KIRREL3: variants seen among roughly 807,000 people sequenced by gnomAD.
KIRREL3 encodes kirre like nephrin family adhesion molecule 3, also known as kin of IRRE-like protein 3.
KIRREL3 carries 36 observed loss-of-function variants against 89.7 expected under a neutral mutation model. That is an observed-to-expected ratio of 0.40 (90% CI 0.31 to 0.53). The LOEUF is 0.53. Among genes scored for constraint, KIRREL3 ranks in the 20% least tolerant of loss-of-function variants. The pLI is 0.49. For synonymous variants in KIRREL3, 445 were observed against 441.4 expected (o/e 1.01, Z -0.10); for missense variants, 864 against 1,056.6 (o/e 0.82, Z 2.53).
At chr11:126,753,842 G>A (rs1419891584) in intron 1 of KIRREL3, among the ~76,000 whole-genome samples, 2 of 152,128 alleles carry the variant, frequency 1.3e-5, no homozygotes, top group Admixed American at 1.3e-4. Context: ...TTCATTACAT[G>A]CTTAGAGATG....
chr11:126,945,460 TG>T (rs1948595654), intron 1 of KIRREL3, among the ~76,000 whole-genome samples: 1 of 152,164 alleles, frequency 6.6e-6, no homozygotes, highest in South Asian at 2.1e-4. Flanking sequence ...CGCAGGTCAC[TG>T]GAAGAATGTG....
In KIRREL3 at chr11:126,870,255, C is replaced by A. The variant is rs181546938; in HGVS notation, c.55+130200G>T. ...ATTCTGCCAGGGACCACACTGAACA[C>A]CCTCCTCAAGATGCCAGGGCTGCCT... On this transcript the variant is annotated intron_variant, in intron 1 of 16. Transcript: ENST00000525144. The surrounding 1 kb of genome is among the most constrained non-coding windows in gnomAD (Gnocchi z 4.4). 9.3e-4 allele frequency among the ~76,000 whole-genome samples: 141 copies of A among 152,302 alleles called. 1 individual carries two copies. Among genetic ancestry groups the A allele is most frequent in the Admixed American group, 8.0e-3 (122 of 15,306 alleles).
In KIRREL3 at chr11:126,850,397, G is replaced by A. The variant is rs529062346; in HGVS notation, c.55+150058C>T. On this transcript the variant is annotated intron_variant, in intron 1 of 16. Coordinates refer to ENST00000525144, the MANE Select transcript of KIRREL3 (RefSeq NM_032531.4). ...AGACACCTGCCCTCCCAGTGCTTGC[G>A]AGTGAGCTGCTGGGTGGGCTCCCTT... Among the ~76,000 whole-genome samples the A allele has an allele frequency of 7.9e-5, 12 of 152,316 alleles. No homozygotes were observed. In the South Asian group the frequency reaches 1.0e-3, roughly 13 times the overall value.
Position 126,431,565 on chromosome 11 carries a change from G to T in KIRREL3, c.1589-39C>A, listed in dbSNP as rs1036535381. The stretch of plus-strand genomic sequence containing the variant: ...GCGGGCACAGCTGATGACGGATGGG[G>T]AATGGCCTACTATCCCCCCATGATC... On this transcript the variant is annotated intron_variant, in intron 13 of 16. Transcript: ENST00000525144. The surrounding 1 kb of genome is among the most constrained non-coding windows in gnomAD (Gnocchi z 7.1). The T allele has an allele frequency of 3.2e-6, 5 of 1,581,302 alleles. No individual in the cohort carries two copies. Among genetic ancestry groups the T allele is most frequent in the Non-Finnish European group, 4.3e-6 (5 of 1,155,206 alleles).
intron 1 of KIRREL3, among the ~76,000 whole-genome samples, chr11:126,862,536 A>G (rs1389281223): frequency 6.6e-6 from 1 of 152,190 alleles, no homozygotes; most frequent in Non-Finnish European, 1.5e-5. Context: ...GCACATGGGC[A>G]GCAGGTTTGG....
At position 126,736,570 on chromosome 11, in the gene KIRREL3, G is replaced by A. The variant is rs531362137; in HGVS notation, c.56-173658C>T. 1.3e-5 allele frequency among the ~76,000 whole-genome samples: 2 copies of A among 152,180 alleles called. No individual in the cohort carries two copies. The highest frequency in any genetic ancestry group is 2.4e-5 in the African/African-American group (1 of 41,536). On this transcript the variant is annotated intron_variant, in intron 1 of 16. Coordinates refer to ENST00000525144, the MANE Select transcript of KIRREL3 (RefSeq NM_032531.4). The surrounding 1 kb of genome is among the most constrained non-coding windows in gnomAD (Gnocchi z 5.0). ...TTTGAGAACATCTGAAGATATTTTC[G>A]GTTGTTACAACTAAGTGGGGGAGTA...
intron 1 of KIRREL3, among the ~76,000 whole-genome samples, chr11:126,945,360 G>C (rs1021318526): frequency 6.6e-6 from 1 of 152,162 alleles, no homozygotes; most frequent in African/African-American, 2.4e-5. Flanking sequence ...GAGAATGCCA[G>C]AGACTGGGGA....
chr11:126,491,552 C>T lies in KIRREL3; in HGVS notation c.434-18086G>A, dbSNP rs186234453. Among the ~76,000 whole-genome samples, 8 of 152,284 alleles carry T rather than the reference C, an allele frequency of 5.3e-5. No individual in the cohort carries two copies. In the East Asian group the frequency reaches 1.5e-3, roughly 29 times the overall value. On this transcript the variant is annotated intron_variant, in intron 4 of 16. Coordinates refer to ENST00000525144, the MANE Select transcript of KIRREL3 (RefSeq NM_032531.4). The surrounding 1 kb of genome is among the most constrained non-coding windows in gnomAD (Gnocchi z 5.5). ...TCTGGGGCAGGTAAGGAGGCCATAT[C>T]AGGAACACCTGCCCATGTCTGTCCC...
chr11:126,730,089 C>T (rs1948553928), intron 1 of KIRREL3, among the ~76,000 whole-genome samples: 1 of 152,186 alleles, frequency 6.6e-6, no homozygotes, highest in Admixed American at 6.5e-5. Flanking sequence ...GTTGATGTCC[C>T]TAGGTTCTAT....
At chr11:126,595,652 G>A (rs1313858725) in intron 1 of KIRREL3, among the ~76,000 whole-genome samples, 1 of 152,224 alleles carries the variant, frequency 6.6e-6, no homozygotes, top group Non-Finnish European at 1.5e-5. Flanking sequence ...CACACAGCTA[G>A]TCAGTGGCAG....
In KIRREL3 at chr11:126,501,717, A is replaced by G. The variant is rs1291013002; in HGVS notation, c.433+19598T>C. Among the ~76,000 whole-genome samples, 2 of 152,162 alleles carry G rather than the reference A, an allele frequency of 1.3e-5. No individual in the cohort carries two copies. Among genetic ancestry groups the G allele is most frequent in the Non-Finnish European group, 2.9e-5 (2 of 68,024 alleles). ...CACTTAAACCCTCCTTAAAGCCTAC[A>G]CTTGCCAACTCGCCTGGCCCTGGGC... On this transcript the variant is annotated intron_variant, in intron 4 of 16. Transcript: ENST00000525144. This position sits in a 1 kb window ranked among gnomAD's most constrained non-coding sequence, Gnocchi z 5.8.
In KIRREL3 at chr11:126,664,630, C is replaced by T. The variant is rs974442390; in HGVS notation, c.56-101718G>A. Among the ~76,000 whole-genome samples the T allele has an allele frequency of 6.6e-5, 10 of 152,156 alleles. No individual in the cohort carries two copies. The highest frequency in any genetic ancestry group is 5.2e-4 in the Admixed American group (8 of 15,286). ...AGAGGATCACCATTGTTACCAGCTC[C>T]GATGTGCCCTTCCTGCATGCCAAAG... On this transcript the variant is annotated intron_variant, in intron 1 of 16. Transcript: ENST00000525144. This position sits in a 1 kb window ranked among gnomAD's most constrained non-coding sequence, Gnocchi z 5.4.
At chr11:126,597,657 C>T (rs1402295126) in intron 1 of KIRREL3, among the ~76,000 whole-genome samples, 1 of 152,212 alleles carries the variant, frequency 6.6e-6, no homozygotes, top group Admixed American at 6.5e-5. Flanking sequence ...TCTCGAGTGC[C>T]TTCCCCGACA....
At chr11:126,841,704 T>C (rs1028935890) in intron 1 of KIRREL3, among the ~76,000 whole-genome samples, 8 of 152,218 alleles carry the variant, frequency 5.3e-5, no homozygotes, top group Admixed American at 5.2e-4. Flanking sequence ...GCAACAAACC[T>C]GAGACTTATT....
rs1280489254 is a variant in KIRREL3 at position 126,703,957 on chromosome 11, A to AC, written c.56-141046_56-141045insG. Reference sequence around the variant, plus strand: ...TTCACAGAAAGGAAGAAGAAATGGAATTTCTGTCAGATTGCTTGAACTCAC... The same window carrying AC: ...TTCACAGAAAGGAAGAAGAAATGGAACTTTCTGTCAGATTGCTTGAACTCAC... On this transcript the variant is annotated intron_variant, in intron 1 of 16. Transcript: ENST00000525144. The surrounding 1 kb of genome is among the most constrained non-coding windows in gnomAD (Gnocchi z 4.6). Among the ~76,000 whole-genome samples, 2 of 33,208 alleles carry AC rather than the reference A, an allele frequency of 6.0e-5. No individual in the cohort carries two copies. Among genetic ancestry groups the AC allele is most frequent in the African/African-American group, 3.6e-4 (2 of 5,544 alleles). The allele number at this position is 33,208 out of a possible 152,430, so 21.8% of individuals were successfully genotyped here.
At chr11:126,952,427 G>C (rs943502780) in intron 1 of KIRREL3, among the ~76,000 whole-genome samples, 1 of 151,916 alleles carries the variant, frequency 6.6e-6, no homozygotes, top group African/African-American at 2.4e-5. Context: ...TTTTTTGATG[G>C]GGTTGTTTTT....
chr11:126,779,766 T>C (rs1255613834), intron 1 of KIRREL3, among the ~76,000 whole-genome samples: 2 of 151,064 alleles, frequency 1.3e-5, no homozygotes, highest in South Asian at 4.3e-4. Context: ...GTAGTTACTA[T>C]TGGTTACTAC....
At chr11:126,845,953 CAAAA>C (rs200708646) in intron 1 of KIRREL3, among the ~76,000 whole-genome samples, 1 of 151,556 alleles carries the variant, frequency 6.6e-6, no homozygotes, top group Non-Finnish European at 1.5e-5. Context: ...AAAAAACACA[CAAAA>C]AAAACACAAA....
rs1951272327 is a variant in KIRREL3, at chr11:126,808,407, T to C, written c.55+192048A>G. Among the ~76,000 whole-genome samples the C allele has an allele frequency of 6.6e-6, 1 of 152,098 alleles. No homozygotes were observed. Among genetic ancestry groups the C allele is most frequent in the Admixed American group, 6.5e-5 (1 of 15,276 alleles). On this transcript the variant is annotated intron_variant, in intron 1 of 16. Coordinates refer to ENST00000525144, the MANE Select transcript of KIRREL3 (RefSeq NM_032531.4). This position sits in a 1 kb window ranked among gnomAD's most constrained non-coding sequence, Gnocchi z 4.1. ...CTAACTCCCCCTCCCCTGCCCAATG[T>C]GGTGGGAGGGCTCTGCTAAGATGTA...
Sources: gnomAD v4.1 joint callset for allele counts (sites outside exome capture counted in the v4.1 genomes callset) on GRCh38, gnomAD v4.1.1 for gene constraint, Gnocchi (gnomAD v3.1) non-coding constraint, MANE v1.5 for transcripts, NCBI Gene and HGNC (gene_info 2026-07-23, HGNC 2026-07-21) for gene names.